Variants in LARGE1 observed in about 807,000 individuals in gnomAD.
LARGE1 encodes xylosyl- and glucuronyltransferase LARGE1.
In LARGE1, 43 loss-of-function variants were observed where a neutral mutation model predicts 87.6. The observed-to-expected ratio is 0.49, with a 90% CI of 0.38 to 0.63. The LOEUF (loss-of-function observed/expected upper bound fraction) is 0.63, where lower values mean the gene tolerates loss of function less well. Ranked by LOEUF, LARGE1 falls within the 30% of genes least tolerant of loss-of-function variation. LARGE1 has a pLI of 0.00. For synonymous variants in LARGE1, 434 were observed against 394.6 expected, an observed-to-expected ratio of 1.10 and a Z score of -1.18; for missense variants, 802 against 1,000.2, an observed-to-expected ratio of 0.80 and a Z score of 2.67.
chr22:33,238,465 G>T (rs1045035686), intron 11 of LARGE1, among the ~76,000 whole-genome samples: 1 of 152,122 alleles, frequency 6.6e-6, no homozygotes, highest in African/African-American at 2.4e-5. Context: ...CCAAATATTA[G>T]TGGGAATTAG....
At chr22:33,811,008 A>T (rs1475497716) in intron 1 of LARGE1, among the ~76,000 whole-genome samples, 1 of 152,068 alleles carries the variant, frequency 6.6e-6, no homozygotes, top group Non-Finnish European at 1.5e-5. Flanking sequence ...TCTATGCGAG[A>T]TTTGTTACTG....
chr22:33,681,807 A>G (rs946357064), intron 2 of LARGE1, among the ~76,000 whole-genome samples: 5 of 152,356 alleles, frequency 3.3e-5, no homozygotes, highest in Admixed American at 2.6e-4. Context: ...TTAAAAATGT[A>G]CAGAGGCACA....
At chr22:33,290,691 T>C (rs1932376233) in intron 12 of LARGE1, among the ~76,000 whole-genome samples, 1 of 152,146 alleles carries the variant, frequency 6.6e-6, no homozygotes, top group Admixed American at 6.5e-5. Context: ...CCCTGACTGC[T>C]AGCATCTAGG....
intron 10 of LARGE1, among the ~76,000 whole-genome samples, chr22:33,330,173 G>C (rs1937574215): frequency 6.6e-6 from 1 of 152,078 alleles, no homozygotes; most frequent in Non-Finnish European, 1.5e-5. Context: ...TCTGTCTTTG[G>C]GAGAATTTCA....
At chr22:33,394,702 C>CGTGT (rs59338001) in intron 7 of LARGE1, among the ~76,000 whole-genome samples, 2,808 of 142,368 alleles carry the variant, frequency 0.02, 24 homozygotes, top group African/African-American at 0.036. Context: ...CTCCTGGGAG[C>CGTGT]GTGTGTGTGT....
chr22:33,454,215 A>G (rs1346214720), intron 6 of LARGE1, among the ~76,000 whole-genome samples: 12 of 152,108 alleles, frequency 7.9e-5, no homozygotes, highest in Non-Finnish European at 2.9e-5. Context: ...CGTACCATAA[A>G]CCCAATAATT....
chr22:33,846,852 T>C (rs1020693525), intron 1 of LARGE1, among the ~76,000 whole-genome samples: 2 of 152,148 alleles, frequency 1.3e-5, no homozygotes, highest in East Asian at 3.9e-4. Flanking sequence ...AAACCCTGTC[T>C]CCTGATAAGA....
At chr22:33,755,101 A>G (rs2084461413) in intron 2 of LARGE1, among the ~76,000 whole-genome samples, 1 of 152,234 alleles carries the variant, frequency 6.6e-6, no homozygotes, top group African/African-American at 2.4e-5. Context: ...TCTTCAAAAT[A>G]GCCCAGTATC....
chr22:33,582,316 C>A (rs949914404), intron 5 of LARGE1, among the ~76,000 whole-genome samples: 4 of 151,992 alleles, frequency 2.6e-5, no homozygotes, highest in African/African-American at 9.7e-5. Flanking sequence ...AAGTCTTTGT[C>A]CTGGTACAGG....
intron 6 of LARGE1, among the ~76,000 whole-genome samples, chr22:33,472,194 A>T (rs2068872358): frequency 6.6e-6 from 1 of 152,198 alleles, no homozygotes; most frequent in Non-Finnish European, 1.5e-5. Context: ...GGTTGGTTTC[A>T]TATTTTCAAG....
chr22:33,153,462 A>G, the LARGE1 span, among the ~76,000 whole-genome samples: 1 of 152,192 alleles, frequency 6.6e-6, no homozygotes, highest in Non-Finnish European at 1.5e-5. Flanking sequence ...TGAAGAGTTT[A>G]TATTTGTTTG....
intron 5 of LARGE1, among the ~76,000 whole-genome samples, chr22:33,594,752 A>G (rs1329118927): frequency 6.6e-6 from 1 of 152,116 alleles, no homozygotes; most frequent in African/African-American, 2.4e-5. Context: ...GATTACAGGC[A>G]CCCACCACCA....
intron 4 of LARGE1, among the ~76,000 whole-genome samples, chr22:33,620,540 T>G (rs565765741): frequency 3.9e-5 from 6 of 152,288 alleles, no homozygotes; most frequent in African/African-American, 1.4e-4. Flanking sequence ...CATTTATAAT[T>G]TGTATATATT....
chr22:33,595,209 G>C (rs1270166342), intron 5 of LARGE1, among the ~76,000 whole-genome samples: 1 of 151,632 alleles, frequency 6.6e-6, no homozygotes, highest in East Asian at 1.9e-4. Context: ...TATATTTATG[G>C]GGTACAAGAG....
intron 5 of LARGE1, among the ~76,000 whole-genome samples, chr22:33,583,574 G>A (rs954336566): frequency 3.3e-5 from 5 of 152,102 alleles, no homozygotes; most frequent in Non-Finnish European, 7.4e-5. Context: ...TTAGAACCTC[G>A]GAAAGAAATT....
intron 11 of LARGE1, among the ~76,000 whole-genome samples, chr22:33,196,886 T>C (rs1043292482): frequency 6.6e-6 from 1 of 152,102 alleles, no homozygotes; most frequent in Admixed American, 6.5e-5. Flanking sequence ...ACTAGCAAAA[T>C]GAACTACTCA....
At position 33,273,796 on chromosome 22, in the gene LARGE1, A is replaced by G. The variant is rs1438057565; in HGVS notation, c.*631T>C. 1 of 397,714 alleles carries G rather than the reference A, an allele frequency of 2.5e-6. No individual in the cohort carries two copies. Among genetic ancestry groups the G allele is most frequent in the Non-Finnish European group, 4.4e-6 (1 of 226,466 alleles). 24.6% of individuals were successfully genotyped at this position (397,714 alleles called of 1,614,324 possible). On this transcript the variant is annotated 3_prime_UTR_variant, in exon 15 of 15. Coordinates refer to ENST00000397394, the MANE Select transcript of LARGE1 (RefSeq NM_133642.5). ...TTTGGATTGCCAGCCCCAAAAATAA[A>G]CAAAACCCCCAAAGAAAAACAAAAC...
chr22:33,478,351 CCA>C (rs1401895084), intron 6 of LARGE1, among the ~76,000 whole-genome samples: 1 of 152,206 alleles, frequency 6.6e-6, no homozygotes, highest in African/African-American at 2.4e-5. Context: ...CCAGTTTCAC[CCA>C]CAATCTCCCC....
At chr22:33,482,092 CTGTTAAG>C (rs1409765784) in intron 6 of LARGE1, among the ~76,000 whole-genome samples, 2 of 152,156 alleles carry the variant, frequency 1.3e-5, no homozygotes, top group South Asian at 2.1e-4. Flanking sequence ...ACTTCTTGAA[CTGTTAAG>C]TGTTATCAAA....
Sources: allele counts gnomAD v4.1 joint callset (sites outside exome capture counted in the v4.1 genomes callset), GRCh38; gene constraint gnomAD v4.1.1; transcripts MANE v1.5; gene names NCBI Gene and HGNC (gene_info 2026-07-23, HGNC 2026-07-21).